Variants in CCSER1 observed in about 807,000 individuals in gnomAD.
CCSER1 encodes the protein coiled-coil serine rich protein 1, also known as serine-rich coiled-coil domain-containing protein 1.
Under a neutral mutation model 82.0 loss-of-function variants are expected in CCSER1, and 41 were observed. That is an observed-to-expected ratio of 0.50 (90% CI 0.39 to 0.65). CCSER1 has a LOEUF of 0.65. CCSER1 is among the 30% of genes least tolerant of loss of function. The pLI is 0.00. For missense variants in CCSER1, 1,119 were observed against 1,064.2 expected, an observed-to-expected ratio of 1.05 and a Z score of -0.72; for synonymous variants, 414 against 383.9, an observed-to-expected ratio of 1.08 and a Z score of -0.92.
chr4:91,137,340 A>C (rs12503157), intron 10 of CCSER1, among the ~76,000 whole-genome samples: 20,911 of 53,592 alleles, frequency 0.39, 3,756 homozygotes, highest in Middle Eastern at 0.52. Flanking sequence ...AGGACATGAA[A>C]TCATCATTTT....
At chr4:91,062,637 T>C (rs1234212884) in intron 9 of CCSER1, among the ~76,000 whole-genome samples, 3 of 152,094 alleles carry the variant, frequency 2.0e-5, no homozygotes, top group African/African-American at 7.2e-5. Context: ...TCAAGCAGAT[T>C]AATATTGTCA....
intron 1 of CCSER1, among the ~76,000 whole-genome samples, chr4:90,177,078 A>G (rs1370990989): frequency 1.3e-5 from 2 of 152,072 alleles, no homozygotes; most frequent in Non-Finnish European, 2.9e-5. Context: ...CTCTTGTAAA[A>G]TTTACCATGA....
rs1159948868 is a variant in CCSER1 at position 91,268,598 on chromosome 4, C to A, written c.2217+182604C>A. On this transcript the variant is annotated intron_variant, in intron 10 of 10. Transcript: ENST00000509176. ...CACCAAACAGGCTTTGTGTGAGCAACAAGGCTGTTTATTTCACCTGGGTGC... is the reference window on the plus strand; with the variant it reads ...CACCAAACAGGCTTTGTGTGAGCAAAAAGGCTGTTTATTTCACCTGGGTGC... 2.6e-5 allele frequency among the ~76,000 whole-genome samples: 4 copies of A among 152,184 alleles called. No homozygotes were observed. In the East Asian group the frequency reaches 7.7e-4, roughly 29 times the overall value.
chr4:91,488,024 A>T (rs112799162), intron 10 of CCSER1, among the ~76,000 whole-genome samples: 1,871 of 152,232 alleles, frequency 0.012, 16 homozygotes, highest in African/African-American at 0.026. Context: ...TTGTGATTTA[A>T]GAAATATTTT....
At chr4:91,589,251 CT>C (rs1459212189) in intron 10 of CCSER1, among the ~76,000 whole-genome samples, 1 of 151,714 alleles carries the variant, frequency 6.6e-6, no homozygotes, top group East Asian at 1.9e-4. Flanking sequence ...AGTAAAATTA[CT>C]TGTAAGATAG....
At chr4:90,458,625 G>A (rs549050320) in intron 4 of CCSER1, among the ~76,000 whole-genome samples, 65 of 152,262 alleles carry the variant, frequency 4.3e-4, no homozygotes, top group Non-Finnish European at 8.7e-4. Context: ...ATATTGCTGG[G>A]ATTAAAGGCG....
rs142689519 is a variant in CCSER1 at position 90,368,688 on chromosome 4, C to G, written c.1510-31348C>G. Among the ~76,000 whole-genome samples the G allele has an allele frequency of 2.5e-3, 375 of 151,900 alleles. 6 individuals are homozygous for G. The highest frequency in any genetic ancestry group is 0.018 in the South Asian group (86 of 4,770). ...ATCTCTCAATTAGGCCATTCCTGAT[C>G]ATCATATATGAAATTGAAACTTGTC... On this transcript the variant is annotated intron_variant, in intron 3 of 10. Coordinates refer to ENST00000509176, the MANE Select transcript of CCSER1 (RefSeq NM_001145065.2).
At chr4:90,579,931 C>A (rs1056339231) in intron 5 of CCSER1, among the ~76,000 whole-genome samples, 2 of 151,836 alleles carry the variant, frequency 1.3e-5, no homozygotes, top group Middle Eastern at 3.2e-3. Context: ...TGTAGCTATT[C>A]TCTTATCTTT....
At chr4:91,409,145 T>C (rs1459354491) in intron 10 of CCSER1, among the ~76,000 whole-genome samples, 1 of 152,194 alleles carries the variant, frequency 6.6e-6, no homozygotes, top group Non-Finnish European at 1.5e-5. Context: ...TCATTTACAA[T>C]AGTGAATCTC....
chr4:90,760,465 C>G (rs1750248893), intron 7 of CCSER1, among the ~76,000 whole-genome samples: 1 of 151,572 alleles, frequency 6.6e-6, no homozygotes, highest in African/African-American at 2.4e-5. Flanking sequence ...AAATATTGTT[C>G]CTTATTAATA....
chr4:90,282,860 T>C (rs1353858152), intron 1 of CCSER1, among the ~76,000 whole-genome samples: 1 of 151,960 alleles, frequency 6.6e-6, no homozygotes, highest in East Asian at 1.9e-4. Context: ...TCCATTACTC[T>C]GTTCAATCTA....
chr4:91,266,401 G>A (rs559154765), intron 10 of CCSER1, among the ~76,000 whole-genome samples: 13 of 152,024 alleles, frequency 8.6e-5, no homozygotes, highest in African/African-American at 1.9e-4. Flanking sequence ...ACAGGTGCCC[G>A]CCACCATGCC....
At chr4:91,386,610 A>C (rs1370524831) in intron 10 of CCSER1, among the ~76,000 whole-genome samples, 3 of 152,102 alleles carry the variant, frequency 2.0e-5, no homozygotes, top group Non-Finnish European at 4.4e-5. Flanking sequence ...CATGGTTTAA[A>C]GTGTCCTCCT....
At chr4:91,343,421 T>C (rs887437751) in intron 10 of CCSER1, among the ~76,000 whole-genome samples, 2 of 152,138 alleles carry the variant, frequency 1.3e-5, no homozygotes, top group African/African-American at 4.8e-5. Flanking sequence ...GAAAATCCTT[T>C]GAGCAAAACA....
chr4:91,413,373 T>G (rs1051456352), intron 10 of CCSER1, among the ~76,000 whole-genome samples: 1 of 152,080 alleles, frequency 6.6e-6, no homozygotes, highest in African/African-American at 2.4e-5. Flanking sequence ...AGTGGGAGGA[T>G]CACTGGTGCC....
chr4:91,445,474 C>T (rs1755495761), intron 10 of CCSER1, among the ~76,000 whole-genome samples: 1 of 151,408 alleles, frequency 6.6e-6, no homozygotes, highest in Non-Finnish European at 1.5e-5. Flanking sequence ...CAAGCGGTCA[C>T]AGTGGACTGG....
chr4:91,136,232 C>A (rs1360705787), intron 10 of CCSER1, among the ~76,000 whole-genome samples: 1 of 152,194 alleles, frequency 6.6e-6, no homozygotes, highest in Non-Finnish European at 1.5e-5. Context: ...TAAAACACTA[C>A]TCTTCACACC....
chr4:90,735,869 C>T (rs1745553200), intron 7 of CCSER1, among the ~76,000 whole-genome samples: 1 of 151,960 alleles, frequency 6.6e-6, no homozygotes, highest in South Asian at 2.1e-4. Flanking sequence ...CTTAGAAATG[C>T]TTTCACTATA....
chr4:91,216,165 C>G (rs1198604961), intron 10 of CCSER1, among the ~76,000 whole-genome samples: 1 of 152,154 alleles, frequency 6.6e-6, no homozygotes, highest in Non-Finnish European at 1.5e-5. Context: ...ATTTGTCAGA[C>G]CTGCAGCTGG....
Sources: gnomAD v4.1 joint callset for allele counts (sites outside exome capture counted in the v4.1 genomes callset) on GRCh38, gnomAD v4.1.1 for gene constraint, MANE v1.5 for transcripts, NCBI Gene and HGNC (gene_info 2026-07-23, HGNC 2026-07-21) for gene names.